ITPR2: variants seen among roughly 807,000 people sequenced by gnomAD.
The protein encoded by ITPR2 is inositol 1,4,5-trisphosphate-gated calcium channel ITPR2.
ITPR2 carries 207 observed loss-of-function variants against 317.1 expected under a neutral mutation model. The observed-to-expected ratio is 0.65, with a 90% CI of 0.58 to 0.73. The LOEUF is 0.73. Ranked by LOEUF, ITPR2 falls within the 30% of genes least tolerant of loss-of-function variation. The pLI, the probability that ITPR2 is intolerant of heterozygous loss-of-function variation, is 0.00. For missense variants in ITPR2, 2,613 were observed against 3,284.0 expected (o/e 0.80, Z 4.99); for synonymous variants, 1,156 against 1,149.1 (o/e 1.01, Z -0.12).
At chr12:26,823,273 T>C (rs1281127386) in intron 1 of ITPR2, among the ~76,000 whole-genome samples, 1 of 152,180 alleles carries the variant, frequency 6.6e-6, no homozygotes, top group Non-Finnish European at 1.5e-5. Context: ...ACACCTACTA[T>C]ATACCAGCAA....
chr12:26,605,825 T>G (rs150625111), intron 26 of ITPR2, among the ~76,000 whole-genome samples: 1 of 152,200 alleles, frequency 6.6e-6, no homozygotes, highest in African/African-American at 2.4e-5. Flanking sequence ...CAACCCCTTT[T>G]AATTTCAGAA....
In ITPR2 at chr12:26,560,164, A is replaced by G. The variant is rs550391313; in HGVS notation, c.4821+1598T>C. On this transcript the variant is annotated intron_variant, in intron 35 of 56. Transcript: ENST00000381340. ...GCACACCCTCTCTGTGCTGGTTGGC[A>G]CTACTATATACCTCTCCTCTGAAAT... 2.6e-5 allele frequency among the ~76,000 whole-genome samples: 4 copies of G among 152,242 alleles called. No individual in the cohort carries two copies. In the South Asian group the frequency reaches 8.3e-4, roughly 32 times the overall value.
intron 37 of ITPR2, among the ~76,000 whole-genome samples, chr12:26,504,031 T>C (rs1459214698): frequency 6.6e-6 from 1 of 152,198 alleles, no homozygotes; most frequent in Non-Finnish European, 1.5e-5. Context: ...TGCTACAATT[T>C]CTTAAAAATA....
At chr12:26,802,879 G>T (rs868737808) in intron 1 of ITPR2, among the ~76,000 whole-genome samples, 1 of 151,988 alleles carries the variant, frequency 6.6e-6, no homozygotes, top group Admixed American at 6.5e-5. Flanking sequence ...TACTGAAAGG[G>T]CAAACTGACA....
chr12:26,772,415 T>TATATATATTATATATATAATATATATATA (rs1555189160), intron 2 of ITPR2, among the ~76,000 whole-genome samples: 18,494 of 119,442 alleles, frequency 0.15, 2,226 homozygotes, highest in Non-Finnish European at 0.25. Context: ...TATACACATT[T>TATATATATTATATATATAATATATATATA]ATATATATTA....
At chr12:26,652,862 G>A (rs547834338) in intron 21 of ITPR2, among the ~76,000 whole-genome samples, 6 of 152,222 alleles carry the variant, frequency 3.9e-5, no homozygotes, top group East Asian at 3.9e-4. Context: ...TGCACTCTTC[G>A]ATATACCTTC....
intron 32 of ITPR2, among the ~76,000 whole-genome samples, chr12:26,587,848 C>A (rs1005909051): frequency 5.9e-5 from 9 of 152,146 alleles, no homozygotes; most frequent in African/African-American, 2.2e-4. Context: ...GGTTATGAGG[C>A]TATTGCAATC....
chr12:26,628,144 G>A lies in ITPR2; in HGVS notation c.2953C>T (p.Leu985=), dbSNP rs748432891. 6.2e-7 allele frequency: 1 copy of A among 1,601,634 alleles called. No individual in the cohort carries two copies. Among genetic ancestry groups the A allele is most frequent in the Admixed American group, 1.7e-5 (1 of 58,694 alleles). Reference sequence around the variant, plus strand: ...AGCATATATGAGATCCTATAATCCAGTCTGACACTCAGGATAAACTATAAG... The same window carrying A: ...AGCATATATGAGATCCTATAATCCAATCTGACACTCAGGATAAACTATAAG... ...EILQFILSVR[L]DYRISYMLSI... is the part of the protein sequence containing the mutation. The change falls in exon 23 of 57, where the codon CTG becomes TTG. Residue 985 remains leucine, a synonymous_variant. Transcript: ENST00000381340.
intron 2 of ITPR2, among the ~76,000 whole-genome samples, chr12:26,755,943 T>C (rs10842785): frequency 0.49 from 74,694 of 151,990 alleles, 19,190 homozygotes; most frequent in Non-Finnish European, 0.55. Context: ...ATTTACCCAA[T>C]TCATAGGTAT....
chr12:26,374,507 T>C (rs549091065), intron 55 of ITPR2, among the ~76,000 whole-genome samples: 2 of 152,356 alleles, frequency 1.3e-5, no homozygotes, highest in South Asian at 2.1e-4. Flanking sequence ...ACTTTGAACA[T>C]TGAATGGTTT....
intron 10 of ITPR2, among the ~76,000 whole-genome samples, chr12:26,691,453 T>G (rs1252323975): frequency 6.6e-6 from 1 of 152,060 alleles, no homozygotes; most frequent in African/African-American, 2.4e-5. Flanking sequence ...CTCAGCTAGC[T>G]CTCCAAAACA....
intron 49 of ITPR2, among the ~76,000 whole-genome samples, chr12:26,424,952 G>T (rs1941011723): frequency 1.3e-5 from 2 of 151,330 alleles, no homozygotes; most frequent in Non-Finnish European, 2.9e-5. Flanking sequence ...TAGAGACAGG[G>T]TTTTCACCAT....
intron 1 of ITPR2, among the ~76,000 whole-genome samples, chr12:26,806,207 T>C (rs1265053274): frequency 6.6e-6 from 1 of 152,188 alleles, no homozygotes; most frequent in African/African-American, 2.4e-5. Context: ...TATATGGCAA[T>C]ATAGTAATGA....
chr12:26,403,536 T>C (rs1261862996), intron 52 of ITPR2, among the ~76,000 whole-genome samples: 1 of 152,144 alleles, frequency 6.6e-6, no homozygotes. Context: ...GAATGTCATG[T>C]GAGCCCAAAA....
chr12:26,780,715 C>T (rs1038302465), intron 2 of ITPR2, among the ~76,000 whole-genome samples: 37 of 152,260 alleles, frequency 2.4e-4, no homozygotes, highest in African/African-American at 7.0e-4. Flanking sequence ...CCAGGATTCA[C>T]GGGTCCAGGA....
intron 37 of ITPR2, among the ~76,000 whole-genome samples, chr12:26,505,088 G>A (rs540411627): frequency 2.4e-4 from 36 of 151,442 alleles, no homozygotes; most frequent in African/African-American, 8.4e-4. Context: ...TTTGGCTGAG[G>A]TCATGAGTCT....
chr12:26,791,762 C>T (rs1365669869), intron 1 of ITPR2, among the ~76,000 whole-genome samples: 3 of 152,114 alleles, frequency 2.0e-5, no homozygotes, highest in African/African-American at 7.2e-5. Context: ...TCCACAATGT[C>T]CAACTTCAGC....
At chr12:26,637,268 A>G (rs970487295) in intron 21 of ITPR2, among the ~76,000 whole-genome samples, 2 of 152,322 alleles carry the variant, frequency 1.3e-5, no homozygotes, top group Admixed American at 6.5e-5. Flanking sequence ...AGAATTTACA[A>G]TATGGTCAGG....
chr12:26,426,831 A>T (rs539650531), intron 49 of ITPR2, among the ~76,000 whole-genome samples: 4 of 151,064 alleles, frequency 2.6e-5, no homozygotes, highest in Admixed American at 1.3e-4. Context: ...AATAAATAAA[A>T]TAAATACATT....
Sources: allele counts gnomAD v4.1 joint callset (sites outside exome capture counted in the v4.1 genomes callset), GRCh38; gene constraint gnomAD v4.1.1; transcripts MANE v1.5; gene names NCBI Gene and HGNC (gene_info 2026-07-23, HGNC 2026-07-21).